Variants in RAB38 observed in about 807,000 individuals in gnomAD.
The protein encoded by RAB38 is RAB38, member RAS oncogene family, also known as ras-related protein Rab-38.
RAB38 carries 15 observed loss-of-function variants against 18.4 expected under a neutral mutation model. The ratio of observed to expected loss-of-function variants is 0.82; its 90% CI spans 0.55 to 1.26. The LOEUF (loss-of-function observed/expected upper bound fraction) is 1.26, where lower values mean the gene tolerates loss of function less well. Among genes scored for constraint, RAB38 ranks in the 50% most tolerant of loss-of-function variants. RAB38 has a pLI of 0.00. For missense variants in RAB38, 294 were observed against 267.4 expected (o/e 1.10, Z -0.69); for synonymous variants, 101 against 104.4 (o/e 0.97, Z 0.20).
At chr11:87,977,872 T>A in the RAB38 span, among the ~76,000 whole-genome samples, 3 of 111,466 alleles carry the variant, frequency 2.7e-5, no homozygotes, top group Non-Finnish European at 5.0e-5. Flanking sequence ...CTTACAAATA[T>A]ATATAAAGAT....
chr11:87,950,258 CTTTAT>C, the RAB38 span, among the ~76,000 whole-genome samples: 197 of 152,198 alleles, frequency 1.3e-3, no homozygotes, highest in Non-Finnish European at 2.4e-3. Context: ...TCCTCCATCC[CTTTAT>C]TTTGAGCCTA....
intron 2 of RAB38, among the ~76,000 whole-genome samples, chr11:88,117,757 T>A (rs956352827): frequency 6.6e-5 from 10 of 152,216 alleles, no homozygotes; most frequent in African/African-American, 2.4e-4. Flanking sequence ...TTCAGTTTCC[T>A]CATCTGTAAA....
chr11:88,045,409 C>T, the RAB38 span, among the ~76,000 whole-genome samples: 1 of 152,218 alleles, frequency 6.6e-6, no homozygotes, highest in African/African-American at 2.4e-5. Flanking sequence ...CTTCCAAATG[C>T]CTGAACTGCG....
the RAB38 span, among the ~76,000 whole-genome samples, chr11:87,850,287 C>T: frequency 6.6e-6 from 1 of 151,968 alleles, no homozygotes; most frequent in African/African-American, 2.4e-5. Context: ...TGAAAAAGGT[C>T]GTTCTTCTCT....
intron 2 of RAB38, among the ~76,000 whole-genome samples, chr11:88,145,235 C>T (rs544534829): frequency 2.6e-5 from 4 of 151,884 alleles, no homozygotes; most frequent in African/African-American, 9.7e-5. Context: ...CTGCAACCTC[C>T]GCCTCCCAGG....
the RAB38 span, among the ~76,000 whole-genome samples, chr11:87,853,518 GT>G: frequency 1.3e-5 from 2 of 152,174 alleles, no homozygotes; most frequent in African/African-American, 4.8e-5. Context: ...AATGTCTATT[GT>G]TTAGGCTACA....
At chr11:88,030,472 A>G in the RAB38 span, among the ~76,000 whole-genome samples, 1 of 152,154 alleles carries the variant, frequency 6.6e-6, no homozygotes, top group Non-Finnish European at 1.5e-5. Flanking sequence ...CAAAATTGAT[A>G]GACTGCTAGC....
At chr11:88,046,726 G>A in the RAB38 span, among the ~76,000 whole-genome samples, 2 of 152,118 alleles carry the variant, frequency 1.3e-5, no homozygotes, top group African/African-American at 4.8e-5. Context: ...CCTAGGCATG[G>A]TTGGATACTT....
chr11:87,887,196 A>G, the RAB38 span, among the ~76,000 whole-genome samples: 2 of 151,916 alleles, frequency 1.3e-5, no homozygotes, highest in Non-Finnish European at 2.9e-5. Flanking sequence ...AACTTTTCCA[A>G]TTATTGCAGT....
chr11:87,881,598 G>A, the RAB38 span, among the ~76,000 whole-genome samples: 291 of 151,948 alleles, frequency 1.9e-3, 2 homozygotes, highest in African/African-American at 6.8e-3. Flanking sequence ...ACACTAGTCT[G>A]TGAGTAAGCA....
intron 1 of RAB38, 129 bp downstream of exon 1, chr11:88,175,054 A>C: frequency 8.8e-7 from 1 of 1,139,988 alleles, no homozygotes; most frequent in African/African-American, 1.6e-5. Flanking sequence ...CTAAGTTTCC[A>C]GCCCACCAGG....
the RAB38 span, among the ~76,000 whole-genome samples, chr11:88,097,152 C>G: frequency 3.0e-4 from 45 of 151,924 alleles, no homozygotes; most frequent in South Asian, 9.3e-3. Flanking sequence ...AAGAGACTTT[C>G]CTTTCCATTC....
chr11:88,076,568 G>A, the RAB38 span, among the ~76,000 whole-genome samples: 2 of 152,156 alleles, frequency 1.3e-5, no homozygotes, highest in African/African-American at 2.4e-5. Flanking sequence ...AATGAATTCT[G>A]TAACATTGCA....
At chr11:87,954,298 G>A in the RAB38 span, among the ~76,000 whole-genome samples, 2 of 152,112 alleles carry the variant, frequency 1.3e-5, no homozygotes, top group Non-Finnish European at 2.9e-5. Context: ...ATCATGGTGG[G>A]AACAACAGCC....
the RAB38 span, among the ~76,000 whole-genome samples, chr11:87,970,850 G>A: frequency 6.6e-6 from 1 of 152,042 alleles, no homozygotes; most frequent in African/African-American, 2.4e-5. Flanking sequence ...TACATTTGGG[G>A]CTTTTGTTAC....
intron 2 of RAB38, among the ~76,000 whole-genome samples, chr11:88,134,196 C>T (rs1247229370): frequency 3.3e-5 from 5 of 152,026 alleles, no homozygotes; most frequent in African/African-American, 7.3e-5. Flanking sequence ...ACCCATTGAT[C>T]CCTCTGTATC....
At chr11:87,953,287 A>G in the RAB38 span, among the ~76,000 whole-genome samples, 1 of 152,178 alleles carries the variant, frequency 6.6e-6, no homozygotes, top group African/African-American at 2.4e-5. Flanking sequence ...GCACACATGT[A>G]TATCAAGTAG....
the RAB38 span, among the ~76,000 whole-genome samples, chr11:87,976,484 T>A: frequency 1.7e-5 from 2 of 117,434 alleles, no homozygotes; most frequent in African/African-American, 3.2e-5. Context: ...AGTTATATAT[T>A]TTTATATATT....
At chr11:87,832,778 AGGT>A in the RAB38 span, among the ~76,000 whole-genome samples, 37,784 of 151,874 alleles carry the variant, frequency 0.25, 6,139 homozygotes, top group African/African-American at 0.46. Flanking sequence ...TAGATCACTC[AGGT>A]GGATCACTCA....
Sources: gnomAD v4.1 joint callset for allele counts (sites outside exome capture counted in the v4.1 genomes callset) on GRCh38, gnomAD v4.1.1 for gene constraint, MANE v1.5 for transcripts, NCBI Gene and HGNC (gene_info 2026-07-23, HGNC 2026-07-21) for gene names.